CCSER1: variants seen among roughly 807,000 people sequenced by gnomAD.
CCSER1 encodes coiled-coil serine rich protein 1.
Under a neutral mutation model 82.0 loss-of-function variants are expected in CCSER1, and 41 were observed. The observed-to-expected ratio is 0.50, with a 90% confidence interval of 0.39 to 0.65. The LOEUF is 0.65. Among genes scored for constraint, CCSER1 ranks in the 30% least tolerant of loss-of-function variants. The probability of loss-of-function intolerance (pLI) is 0.00; values close to 1 mark genes in which losing one functional copy is unlikely to be tolerated. For missense variants in CCSER1, 1,119 were observed against 1,064.2 expected (o/e 1.05, Z -0.72); for synonymous variants, 414 against 383.9 (o/e 1.08, Z -0.92).
chr4:91,567,830 TGCATTTTAAATGGG>T (rs1160811618), intron 10 of CCSER1, among the ~76,000 whole-genome samples: 2 of 152,172 alleles, frequency 1.3e-5, no homozygotes, highest in Non-Finnish European at 2.9e-5. Context: ...CTTGCCACTC[TGCATTTTAAATGGG>T]GCATTTAGCC....
At chr4:90,590,245 G>T (rs1436584348) in intron 5 of CCSER1, among the ~76,000 whole-genome samples, 1 of 152,102 alleles carries the variant, frequency 6.6e-6, no homozygotes, top group Non-Finnish European at 1.5e-5. Context: ...CTGCACTCCA[G>T]TCTGGGAGCC....
chr4:90,719,090 C>T (rs931986414), intron 6 of CCSER1, among the ~76,000 whole-genome samples: 1 of 152,108 alleles, frequency 6.6e-6, no homozygotes, highest in African/African-American at 2.4e-5. Context: ...CTGAGCCACA[C>T]TGCAGGAGGT....
chr4:90,613,532 A>G (rs1720641278), intron 5 of CCSER1, among the ~76,000 whole-genome samples: 1 of 152,176 alleles, frequency 6.6e-6, no homozygotes, highest in South Asian at 2.1e-4. Flanking sequence ...CTTTGTTGCT[A>G]CTAAAGATTC....
intron 9 of CCSER1, among the ~76,000 whole-genome samples, chr4:91,019,315 T>C (rs2150522232): frequency 1.3e-5 from 2 of 152,218 alleles, no homozygotes; most frequent in Middle Eastern, 6.8e-3. Flanking sequence ...AAATTTCAAA[T>C]CTTATATCCA....
At chr4:90,977,826 A>G (rs1735747922) in intron 9 of CCSER1, among the ~76,000 whole-genome samples, 2 of 151,824 alleles carry the variant, frequency 1.3e-5, no homozygotes, top group African/African-American at 4.8e-5. Context: ...ATGACAATAG[A>G]TTAGCTCATA....
At chr4:90,278,905 G>T (rs1033568419) in intron 1 of CCSER1, among the ~76,000 whole-genome samples, 13 of 152,126 alleles carry the variant, frequency 8.5e-5, no homozygotes, top group African/African-American at 2.6e-4. Flanking sequence ...TTGGTTGTTG[G>T]CAAAACATTG....
chr4:90,629,825 A>G (rs570390961), intron 6 of CCSER1, among the ~76,000 whole-genome samples: 43 of 152,362 alleles, frequency 2.8e-4, no homozygotes, highest in African/African-American at 9.4e-4. Context: ...AAAATAAATT[A>G]TATGAACTTA....
intron 7 of CCSER1, among the ~76,000 whole-genome samples, chr4:90,731,286 G>T (rs1231977492): frequency 6.6e-6 from 1 of 152,162 alleles, no homozygotes; most frequent in Non-Finnish European, 1.5e-5. Flanking sequence ...TAGATAGCAT[G>T]ATACGGAGAT....
intron 10 of CCSER1, among the ~76,000 whole-genome samples, chr4:91,313,350 C>A (rs1398464520): frequency 2.6e-5 from 4 of 151,730 alleles, no homozygotes; most frequent in African/African-American, 9.7e-5. Context: ...GCTTCCTTGG[C>A]CCTTCTCTTT....
At chr4:90,273,171 A>G (rs1726902352) in intron 1 of CCSER1, among the ~76,000 whole-genome samples, 2 of 152,090 alleles carry the variant, frequency 1.3e-5, no homozygotes, top group Admixed American at 6.6e-5. Flanking sequence ...AAACGTTTGT[A>G]CTCATGGAGA....
chr4:90,219,936 G>T (rs75306906), intron 1 of CCSER1, among the ~76,000 whole-genome samples: 8 of 152,066 alleles, frequency 5.3e-5, no homozygotes, highest in Non-Finnish European at 1.2e-4. Context: ...CTTTTATGTT[G>T]CTAATATTTC....
chr4:91,396,951 C>T lies in CCSER1; in HGVS notation c.2218-201621C>T, dbSNP rs1022025725. Among the ~76,000 whole-genome samples, 4 of 151,990 alleles carry T rather than the reference C, an allele frequency of 2.6e-5. 1 individual carries two copies. The highest frequency in any genetic ancestry group is 6.6e-5 in the Admixed American group (1 of 15,192). On this transcript the variant is annotated intron_variant, in intron 10 of 10. Transcript: ENST00000509176. ...ACCCTCAACCTGGAAGCCCCACAAA[C>T]ACTTCAAACTCTAAAGCCCAAATGC...
At chr4:90,332,570 A>G (rs1019881176) in intron 3 of CCSER1, among the ~76,000 whole-genome samples, 1 of 152,150 alleles carries the variant, frequency 6.6e-6, no homozygotes. Flanking sequence ...AGTTACAAGG[A>G]AGTTAGATGG....
intron 10 of CCSER1, among the ~76,000 whole-genome samples, chr4:91,465,742 A>T (rs1756857513): frequency 6.6e-6 from 1 of 152,212 alleles, no homozygotes; most frequent in Non-Finnish European, 1.5e-5. Flanking sequence ...CAAATAAACT[A>T]GAAAATCTGG....
At chr4:90,999,916 G>C (rs1737852738) in intron 9 of CCSER1, among the ~76,000 whole-genome samples, 1 of 141,032 alleles carries the variant, frequency 7.1e-6, no homozygotes, top group South Asian at 2.3e-4. Context: ...CTTATAGTTT[G>C]AGGTCTTATA....
At chr4:91,201,202 ATTTCT>A (rs997328381) in intron 10 of CCSER1, among the ~76,000 whole-genome samples, 2 of 152,048 alleles carry the variant, frequency 1.3e-5, no homozygotes, top group African/African-American at 4.8e-5. Flanking sequence ...ACTTATTTGT[ATTTCT>A]AGGGAAATGC....
intron 3 of CCSER1, among the ~76,000 whole-genome samples, chr4:90,380,607 C>G (rs1749055120): frequency 6.6e-6 from 1 of 152,110 alleles, no homozygotes; most frequent in African/African-American, 2.4e-5. Context: ...TTCCCTTATT[C>G]TTCTTTGTAA....
chr4:91,329,630 G>C (rs530154034), intron 10 of CCSER1, among the ~76,000 whole-genome samples: 1 of 152,278 alleles, frequency 6.6e-6, no homozygotes, highest in African/African-American at 2.4e-5. Context: ...CTGGTTGACA[G>C]ATGGCTATGT....
chr4:91,431,550 C>T (rs965693060), intron 10 of CCSER1, among the ~76,000 whole-genome samples: 1 of 152,038 alleles, frequency 6.6e-6, no homozygotes, highest in African/African-American at 2.4e-5. Context: ...TCACGGCAAC[C>T]TCTGCCTCCC....
Sources: allele counts gnomAD v4.1 joint callset (sites outside exome capture counted in the v4.1 genomes callset), GRCh38; gene constraint gnomAD v4.1.1; transcripts MANE v1.5; gene names NCBI Gene and HGNC (gene_info 2026-07-23, HGNC 2026-07-21).